Variants in ARHGEF10 observed in about 807,000 individuals in gnomAD.
The protein encoded by ARHGEF10 is Rho guanine nucleotide exchange factor (GEF) 10.
ARHGEF10 carries 140 observed loss-of-function variants against 147.4 expected under a neutral mutation model. The ratio of observed to expected loss-of-function variants is 0.95; its 90% CI spans 0.83 to 1.09. The LOEUF is 1.09. Among genes scored for constraint, ARHGEF10 ranks in the 50% least tolerant of loss-of-function variants. The pLI, the probability that ARHGEF10 is intolerant of heterozygous loss-of-function variation, is 0.00. For missense variants in ARHGEF10, 2,222 were observed against 1,752.7 expected, an observed-to-expected ratio of 1.27 and a Z score of -4.78; for synonymous variants, 902 against 695.8, an observed-to-expected ratio of 1.30 and a Z score of -4.67.
intron 10 of ARHGEF10, among the ~76,000 whole-genome samples, chr8:1,883,534 C>T (rs1272995568): frequency 6.6e-6 from 1 of 152,142 alleles, no homozygotes; most frequent in African/African-American, 2.4e-5. Context: ...GGAACGGCCT[C>T]GGATACGATG....
In ARHGEF10 at chr8:1,887,725, C is replaced by T. The variant is rs374370417; in HGVS notation, c.1182+2018C>T. ...AGTGGGATGAGGGTTTGTGAGAAGA[C>T]GCTAGATGGGATGAGGGTTTTGAGG... On this transcript the variant is annotated intron_variant, in intron 11 of 28. Transcript: ENST00000349830. Among the ~76,000 whole-genome samples, 11 of 143,962 alleles carry T rather than the reference C, an allele frequency of 7.6e-5. No individual in the cohort carries two copies. The South Asian group carries it at 1.2e-3, about 15-fold the overall frequency. The allele number at this position is 143,962 out of a possible 152,430, so 94.4% of individuals were successfully genotyped here. A position where few individuals can be genotyped will look rare whatever the true frequency, so the allele number is the denominator to read the frequency against.
At chr8:1,854,578 G>A (rs891614844) in intron 2 of ARHGEF10, among the ~76,000 whole-genome samples, 2 of 152,166 alleles carry the variant, frequency 1.3e-5, no homozygotes, top group African/African-American at 4.8e-5. Flanking sequence ...TGACAGCAGA[G>A]AGCTCTTGAA....
At chr8:1,881,825 C>G (rs1322813738) in intron 9 of ARHGEF10, among the ~76,000 whole-genome samples, 1 of 152,176 alleles carries the variant, frequency 6.6e-6, no homozygotes, top group East Asian at 1.9e-4. Context: ...ACTGCTGGTC[C>G]CTTTGAGAGG....
chr8:1,850,332 GTGTGGA>G (rs1805019616), intron 2 of ARHGEF10, among the ~76,000 whole-genome samples: 1 of 139,108 alleles, frequency 7.2e-6, no homozygotes, highest in Non-Finnish European at 1.5e-5. Flanking sequence ...TGGGGCAACC[GTGTGGA>G]CAGACGGCAA....
rs752449410 is a variant in ARHGEF10, at chr8:1,841,980, G to A, written c.-47-1373G>A. Among the ~76,000 whole-genome samples the A allele has an allele frequency of 2.7e-3, 128 of 46,682 alleles. 11 individuals carry two copies. The highest frequency in any genetic ancestry group is 7.4e-3 in the African/African-American group (93 of 12,518). 30.6% of individuals were successfully genotyped at this position (46,682 alleles called of 152,430 possible). A position where few individuals can be genotyped will look rare whatever the true frequency, so the allele number is the denominator to read the frequency against. Reference sequence around the variant, plus strand: ...GGCCGCGACCGGAACTGGGGCCGCGGCGGGAACTGGGGCCGCGGCGGGAAC... The same window carrying A: ...GGCCGCGACCGGAACTGGGGCCGCGACGGGAACTGGGGCCGCGGCGGGAAC... On this transcript the variant is annotated intron_variant, in intron 1 of 28. Transcript: ENST00000349830.
intron 23 of ARHGEF10, chr8:1,927,644 G>C (rs1193931558): frequency 6.6e-6 from 1 of 152,468 alleles, no homozygotes; most frequent in South Asian, 2.1e-4. Flanking sequence ...GGCAGGCGTG[G>C]TGGCTCATGC....
intron 17 of ARHGEF10, among the ~76,000 whole-genome samples, chr8:1,908,674 C>T (rs1001225491): frequency 7.2e-5 from 11 of 152,106 alleles, no homozygotes; most frequent in African/African-American, 1.4e-4. Context: ...CCTTGGAGTC[C>T]GCTACACAGA....
At chr8:1,952,975 C>T (rs1815178111) in intron 28 of ARHGEF10, 148 bp downstream of exon 28, 3 of 1,180,192 alleles carry the variant, frequency 2.5e-6, no homozygotes, top group South Asian at 3.0e-5. Flanking sequence ...ACTTAATAGA[C>T]TGTTTAATTG....
At chr8:1,878,221 T>C (rs1371257464) in intron 8 of ARHGEF10, among the ~76,000 whole-genome samples, 1 of 152,082 alleles carries the variant, frequency 6.6e-6, no homozygotes, top group African/African-American at 2.4e-5. Context: ...AATGGAGTCT[T>C]GCCTGTCGCT....
intron 9 of ARHGEF10, 68 bp downstream of exon 9, chr8:1,880,232 G>C: frequency 9.0e-7 from 1 of 1,107,152 alleles, no homozygotes; most frequent in South Asian, 1.2e-5. Flanking sequence ...CGCGCGGCTC[G>C]GTCGGTCCTT....
chr8:1,832,746 GCAGAGA>G lies in ARHGEF10; in HGVS notation c.-48+8645_-48+8650del, dbSNP rs1803249620. On this transcript the variant is annotated intron_variant, in intron 1 of 28. Coordinates refer to ENST00000349830, the MANE Select transcript of ARHGEF10 (RefSeq NM_014629.4). ...GAGAGAGACAGAGGCAGAGGCAGAG[GCAGAGA>G]CAGAGACAGAGGCAGAGACAGAGGC... Among the ~76,000 whole-genome samples the G allele has an allele frequency of 1.9e-3, 11 of 5,772 alleles. 4 individuals carry two copies. The highest frequency in any genetic ancestry group is 0.016 in the South Asian group (3 of 188). The allele number at this position is 5,772 out of a possible 152,430, so 3.8% of individuals were successfully genotyped here.
At chr8:1,914,356 G>A (rs949400808) in intron 18 of ARHGEF10, among the ~76,000 whole-genome samples, 2 of 152,238 alleles carry the variant, frequency 1.3e-5, no homozygotes, top group African/African-American at 4.8e-5. Flanking sequence ...AGCCCTGAGG[G>A]TTCTGGACAC....
intron 6 of ARHGEF10, among the ~76,000 whole-genome samples, chr8:1,867,807 A>G (rs1806751329): frequency 6.6e-6 from 1 of 152,248 alleles, no homozygotes; most frequent in Non-Finnish European, 1.5e-5. Flanking sequence ...ATCAACTTAC[A>G]AGGTAGAACC....
chr8:1,882,682 GGA>G lies in ARHGEF10; in HGVS notation c.1012_1013del (p.Arg338AspfsTer27). On this transcript the variant is annotated frameshift_variant, in exon 10 of 29. Transcript: ENST00000349830. LOFTEE classifies it high-confidence loss of function. The part of the protein sequence containing the change: ...AAKDGTKDGL[E>X]RTRAAVKRGR... The stretch of plus-strand genomic sequence containing the variant: ...CGAAGGACGGCACCAAGGACGGGCT[GGA>G]GAGGACCAGGGCAGCCGTGAAGAGG... 1 of 1,557,314 alleles carries G rather than the reference GGA, an allele frequency of 6.4e-7. No individual in the cohort carries two copies. Among genetic ancestry groups the G allele is most frequent in the Non-Finnish European group, 8.7e-7 (1 of 1,149,880 alleles).
chr8:1,914,274 T>C (rs1811590060), intron 18 of ARHGEF10, among the ~76,000 whole-genome samples: 1 of 152,198 alleles, frequency 6.6e-6, no homozygotes, highest in Non-Finnish European at 1.5e-5. Flanking sequence ...CTGAGCTGCA[T>C]CCTCCAGGGA....
intron 8 of ARHGEF10, among the ~76,000 whole-genome samples, chr8:1,878,826 G>A (rs11783189): frequency 0.5 from 75,413 of 151,984 alleles, 19,028 homozygotes; most frequent in East Asian, 0.69. Context: ...CCTCCCTGCT[G>A]GGCGAAGGAG....
At position 1,891,776 on chromosome 8, in the gene ARHGEF10, A is replaced by G. The variant is rs201482416; in HGVS notation, c.1183-1793A>G. On this transcript the variant is annotated intron_variant, in intron 11 of 28. Transcript: ENST00000349830. ...CTCCCTGTCCCACCCCTTAGTGGGCATATAATTTGACGTGTCAGATTGAGC... is the reference window on the plus strand; with the variant it reads ...CTCCCTGTCCCACCCCTTAGTGGGCGTATAATTTGACGTGTCAGATTGAGC... Among the ~76,000 whole-genome samples, 4 of 152,214 alleles carry G rather than the reference A, an allele frequency of 2.6e-5. No individual in the cohort carries two copies. The East Asian group carries it at 7.7e-4, about 29-fold the overall frequency.
At chr8:1,929,938 G>T (rs1016561286) in intron 25 of ARHGEF10, among the ~76,000 whole-genome samples, 42 of 152,194 alleles carry the variant, frequency 2.8e-4, no homozygotes, top group Non-Finnish European at 2.9e-5. Flanking sequence ...GGCCCATCCC[G>T]CCTGGTCCCC....
In ARHGEF10 at chr8:1,894,506, C is replaced by A. The variant is rs762505318; in HGVS notation, c.1374C>A (p.Ile458=). 4.3e-6 allele frequency: 7 copies of A among 1,614,202 alleles called. No homozygotes were observed. Among genetic ancestry groups the A allele is most frequent in the Non-Finnish European group, 5.1e-6 (6 of 1,180,030 alleles). The part of the protein sequence containing the change: ...EILQCHSLFQ[I]ALASRVSEWD... ...TGCAGTGCCACTCGCTATTTCAGAT[C>A]GCGCTGGCCAGCCGCGTTTCCGAGT... The change falls in exon 13 of 29, where the codon ATC becomes ATA. Residue 458 remains isoleucine (I), a synonymous_variant. Transcript: ENST00000349830.
Sources: allele counts gnomAD v4.1 joint callset (sites outside exome capture counted in the v4.1 genomes callset), GRCh38; gene constraint gnomAD v4.1.1; transcripts MANE v1.5; gene names NCBI Gene and HGNC (gene_info 2026-07-23, HGNC 2026-07-21).